Variants in SKP1 observed in about 807,000 individuals in gnomAD.
SKP1 encodes S-phase kinase-associated protein 1.
A neutral mutation model predicts 21.5 loss-of-function variants in SKP1; 1 was observed. The ratio of observed to expected loss-of-function variants is 0.05; its 90% CI spans 0.02 to 0.22. The LOEUF (loss-of-function observed/expected upper bound fraction) is 0.22, where lower values mean the gene tolerates loss of function less well. Among genes scored for constraint, SKP1 ranks in the 10% least tolerant of loss-of-function variants. The pLI is 1.00. For missense variants in SKP1, 70 were observed against 192.0 expected (o/e 0.36, Z 3.76); for synonymous variants, 59 against 59.3 (o/e 0.99, Z 0.03).
rs1761095664 is a variant in SKP1, at chr5:134,154,620, G to A, written c.*3113C>T. On this transcript the variant is annotated 3_prime_UTR_variant, in exon 6 of 6. Transcript: ENST00000353411. ...TGAGAAGCCAAAGGACTGCCATGGA[G>A]TCCTTGAAAGGACTTCATCATTAAA... 1 of 152,112 alleles carries A rather than the reference G, an allele frequency of 6.6e-6. No homozygotes were observed. Among genetic ancestry groups the A allele is most frequent in the Non-Finnish European group, 1.5e-5 (1 of 68,012 alleles). 9.4% of individuals were successfully genotyped at this position (152,112 alleles called of 1,614,324 possible). A position where few individuals can be genotyped will look rare whatever the true frequency, so the allele number is the denominator to read the frequency against.
rs997298875 is a variant in SKP1 at position 134,155,261 on chromosome 5, C to G, written c.*2472G>C. 1.3e-5 allele frequency: 2 copies of G among 152,084 alleles called. No individual in the cohort carries two copies. Among genetic ancestry groups the G allele is most frequent in the Non-Finnish European group, 2.9e-5 (2 of 68,034 alleles). 9.4% of individuals were successfully genotyped at this position (152,084 alleles called of 1,614,324 possible). ...AGTTTTGAAGACTGAGGTTTGGCTACTGTGATAATGAGAAAGGACCACTCA... is the reference window on the plus strand; with the variant it reads ...AGTTTTGAAGACTGAGGTTTGGCTAGTGTGATAATGAGAAAGGACCACTCA... On this transcript the variant is annotated 3_prime_UTR_variant, in exon 6 of 6. Coordinates refer to ENST00000353411, the MANE Select transcript of SKP1 (RefSeq NM_170679.3).
Position 134,151,630 on chromosome 5 carries a change from G to A in SKP1, c.*6103C>T, listed in dbSNP as rs1427934949. The stretch of plus-strand genomic sequence containing the variant: ...ATTTGAAGTTAAGAGATATCAGAAG[G>A]TCTGAATATACTTAAATACTTCCAG... On this transcript the variant is annotated 3_prime_UTR_variant, in exon 6 of 6. Coordinates refer to ENST00000353411, the MANE Select transcript of SKP1 (RefSeq NM_170679.3). The A allele has an allele frequency of 2.2e-6, 1 of 455,602 alleles. No homozygotes were observed. The highest frequency in any genetic ancestry group is 4.4e-6 in the Non-Finnish European group (1 of 226,584). The allele number at this position is 455,602 out of a possible 1,614,324, so 28.2% of individuals were successfully genotyped here. A position where few individuals can be genotyped will look rare whatever the true frequency, so the allele number is the denominator to read the frequency against.
intron 3 of SKP1, among the ~76,000 whole-genome samples, chr5:134,166,869 G>A (rs1366506778): frequency 1.3e-5 from 2 of 152,148 alleles, no homozygotes; most frequent in Non-Finnish European, 2.9e-5. Context: ...AAGCCAACCT[G>A]CGATCCAGAT....
At chr5:134,164,725 G>A (rs1042335533) in intron 3 of SKP1, among the ~76,000 whole-genome samples, 6 of 151,008 alleles carry the variant, frequency 4.0e-5, no homozygotes, top group African/African-American at 7.4e-5. Flanking sequence ...CCTCTAAATC[G>A]TAACATGAAT....
intron 1 of SKP1, among the ~76,000 whole-genome samples, chr5:134,175,884 T>A (rs961774004): frequency 6.6e-6 from 1 of 152,216 alleles, no homozygotes; most frequent in Non-Finnish European, 1.5e-5. Context: ...CCTGCACTTG[T>A]AAATAATTCT....
intron 2 of SKP1, among the ~76,000 whole-genome samples, chr5:134,168,613 A>T (rs1761379153): frequency 6.6e-6 from 1 of 152,238 alleles, no homozygotes; most frequent in Non-Finnish European, 1.5e-5. Flanking sequence ...TCAATAATCC[A>T]GGCACAAGAT....
intron 3 of SKP1, among the ~76,000 whole-genome samples, chr5:134,164,322 G>GAAAAAAA (rs55637997): frequency 2.5e-5 from 3 of 122,124 alleles, no homozygotes; most frequent in African/African-American, 9.5e-5. Flanking sequence ...TCCATCTCAA[G>GAAAAAAA]AAAAAAAAAA....
intron 2 of SKP1, among the ~76,000 whole-genome samples, chr5:134,167,507 T>C (rs888281727): frequency 6.6e-6 from 1 of 151,976 alleles, no homozygotes; most frequent in African/African-American, 2.4e-5. Flanking sequence ...GTATCCGGCA[T>C]TGTAAGTAAT....
chr5:134,167,813 C>G (rs948780715), intron 2 of SKP1, among the ~76,000 whole-genome samples: 1 of 152,170 alleles, frequency 6.6e-6, no homozygotes, highest in Admixed American at 6.5e-5. Context: ...CGTGAGCCAC[C>G]GCGTCCAGCC....
intron 4 of SKP1, among the ~76,000 whole-genome samples, chr5:134,159,245 C>T (rs73791504): frequency 0.048 from 7,231 of 152,222 alleles, 492 homozygotes; most frequent in African/African-American, 0.15. Context: ...CTTTCTATTT[C>T]TTCTCTGACC....
chr5:134,161,210 ATT>A, intron 3 of SKP1, 80 bp from the exon 4 acceptor site: 1 of 1,258,142 alleles, frequency 7.9e-7, no homozygotes, highest in South Asian at 1.6e-5. Context: ...TTATCCCTAT[ATT>A]GGAATAATAA....
At chr5:134,174,879 AAAAG>A (rs1761509332) in intron 1 of SKP1, 1 of 152,170 alleles carries the variant, frequency 6.6e-6, no homozygotes, top group Non-Finnish European at 1.5e-5. Context: ...CTTTTTTTAA[AAAAG>A]AAAACATACA....
At chr5:134,173,666 C>G in intron 2 of SKP1, 3 of 545,408 alleles carry the variant, frequency 5.5e-6, no homozygotes, top group South Asian at 4.7e-5. Context: ...TAACCATTGC[C>G]TAAGGCTTGG....
In SKP1 at chr5:134,152,207, A is replaced by T. The variant is rs1188926013; in HGVS notation, c.*5526T>A. On this transcript the variant is annotated 3_prime_UTR_variant, in exon 6 of 6. Coordinates refer to ENST00000353411, the MANE Select transcript of SKP1 (RefSeq NM_170679.3). ...AAATAAATAAATAAAAATTAAAATT[A>T]AAAAAATTAGAATTTAGCTCACTCA... 6.7e-6 allele frequency: 1 copy of T among 149,514 alleles called. No homozygotes were observed. The highest frequency in any genetic ancestry group is 2.5e-5 in the African/African-American group (1 of 39,266). 9.3% of individuals were successfully genotyped at this position (149,514 alleles called of 1,614,324 possible).
Position 134,149,236 on chromosome 5 carries a change from C to G in SKP1, c.*8497G>C, listed in dbSNP as rs1180088338. On this transcript the variant is annotated 3_prime_UTR_variant, in exon 6 of 6. Coordinates refer to ENST00000353411, the MANE Select transcript of SKP1 (RefSeq NM_170679.3). ...ATTTCATACCTCATCCCCCTTTCAT[C>G]TCCCACCTTTTGAAGTCTCCAATGT... 6.6e-6 allele frequency: 1 copy of G among 152,228 alleles called. No homozygotes were observed. Among genetic ancestry groups the G allele is most frequent in the Non-Finnish European group, 1.5e-5 (1 of 68,054 alleles). 9.4% of individuals were successfully genotyped at this position (152,228 alleles called of 1,614,324 possible). A position where few individuals can be genotyped will look rare whatever the true frequency, so the allele number is the denominator to read the frequency against.
chr5:134,158,285 T>C, intron 5 of SKP1, 170 bp downstream of exon 5: 1 of 1,502,222 alleles, frequency 6.7e-7, no homozygotes. Flanking sequence ...CATCTAAGTG[T>C]TCAGATTCAT....
chr5:134,153,068 G>A lies in SKP1; in HGVS notation c.*4665C>T, dbSNP rs989982005. On this transcript the variant is annotated 3_prime_UTR_variant, in exon 6 of 6. Transcript: ENST00000353411. ...TCCTAGCTTAAAAAGTTATAGACTG[G>A]TTTCAAATCCAGATAATTGAAGATT... 5 of 152,168 alleles carry A rather than the reference G, an allele frequency of 3.3e-5. No individual in the cohort carries two copies. Among genetic ancestry groups the A allele is most frequent in the African/African-American group, 1.2e-4 (5 of 41,426 alleles). 9.4% of individuals were successfully genotyped at this position (152,168 alleles called of 1,614,324 possible).
At chr5:134,158,974 C>A (rs1174897117) in intron 4 of SKP1, among the ~76,000 whole-genome samples, 1 of 152,184 alleles carries the variant, frequency 6.6e-6, no homozygotes, top group Admixed American at 6.5e-5. Flanking sequence ...TTTTAAAAAA[C>A]AGGTTTTGGT....
Position 134,151,387 on chromosome 5 carries a change from C to G in SKP1, c.*6346G>C, listed in dbSNP as rs1355188965. 1 of 218,324 alleles carries G rather than the reference C, an allele frequency of 4.6e-6. No individual in the cohort carries two copies. The allele number at this position is 218,324 out of a possible 1,614,324, so 13.5% of individuals were successfully genotyped here. ...AGTACTTGAGGATAGAGTACAGCTT[C>G]TCTATTTTCCCACCCCTTTCCGTAA... On this transcript the variant is annotated 3_prime_UTR_variant, in exon 6 of 6. Transcript: ENST00000353411.
Sources: allele counts gnomAD v4.1 joint callset (sites outside exome capture counted in the v4.1 genomes callset), GRCh38; gene constraint gnomAD v4.1.1; transcripts MANE v1.5; gene names NCBI Gene and HGNC (gene_info 2026-07-23, HGNC 2026-07-21).